Variants in ADNP observed in about 807,000 individuals in gnomAD.
The protein encoded by ADNP is activity-dependent neuroprotector homeobox protein.
A neutral mutation model predicts 84.9 loss-of-function variants in ADNP; 4 were observed. The observed-to-expected ratio is 0.05, with a 90% CI of 0.02 to 0.11. The LOEUF (loss-of-function observed/expected upper bound fraction) is 0.11, where lower values mean the gene tolerates loss of function less well. ADNP is among the 10% of genes least tolerant of loss of function. ADNP has a pLI of 1.00. For missense variants in ADNP, 1,132 were observed against 1,326.0 expected, an observed-to-expected ratio of 0.85 and a Z score of 2.27; for synonymous variants, 554 against 468.1, an observed-to-expected ratio of 1.18 and a Z score of -2.37.
intron 5 of ADNP, 32 bp downstream of exon 5, chr20:50,901,985 T>A (rs1982032548): frequency 1.3e-6 from 2 of 1,499,992 alleles, no homozygotes; most frequent in African/African-American, 1.4e-5. Context: ...CCAAGCATGC[T>A]GCCATCTGAG....
At chr20:50,896,966 T>A (rs4809814) in intron 5 of ADNP, among the ~76,000 whole-genome samples, 5,597 of 152,278 alleles carry the variant, frequency 0.037, 213 homozygotes, top group East Asian at 0.22. Flanking sequence ...GAGATGCAGT[T>A]TTTTTGCTCT....
chr20:50,928,427 T>A (rs1458710596), intron 2 of ADNP, among the ~76,000 whole-genome samples: 2 of 152,240 alleles, frequency 1.3e-5, no homozygotes, highest in Non-Finnish European at 2.9e-5. Flanking sequence ...TGCAAATGAT[T>A]ACAATATTAG....
intron 5 of ADNP, among the ~76,000 whole-genome samples, chr20:50,895,893 AACTTTTTG>A (rs1254820810): frequency 3.3e-5 from 5 of 152,204 alleles, no homozygotes; most frequent in Admixed American, 2.0e-4. Context: ...TTAAATTTTT[AACTTTTTG>A]ACTCTTTTGT....
rs1981019232 is a variant in ADNP at position 50,893,466 on chromosome 20, C to G, written c.1248G>C (p.Gln416His). 1.2e-6 allele frequency: 2 copies of G among 1,614,012 alleles called. No individual in the cohort carries two copies. The highest frequency in any genetic ancestry group is 1.7e-6 in the Non-Finnish European group (2 of 1,180,036). ...TGGACTGACCTAACACTCTGGATGC[C>G]TGTGACTGAGAGAGGGAAGGAGACT... ...QLKSPSLSQSQASRVLGQSSS... is the reference protein window; with the variant it reads ...QLKSPSLSQSHASRVLGQSSS... Residue 416 changes from glutamine to histidine, a missense_variant, in exon 6 of 6, where the codon CAG becomes CAC. Physicochemically the swap from Gln to His is conservative, Grantham distance 24. Coordinates refer to ENST00000621696, the MANE Select transcript of ADNP (RefSeq NM_001282531.3). The surrounding 1 kb of genome is among the most constrained non-coding windows in gnomAD (Gnocchi z 4.4).
chr20:50,904,096 C>A, intron 3 of ADNP, 95 bp from the exon 4 acceptor site: 2 of 943,286 alleles, frequency 2.1e-6, no homozygotes, highest in Non-Finnish European at 1.6e-6. Flanking sequence ...ACCTACCCAT[C>A]TGACAAAAAA....
intron 2 of ADNP, chr20:50,913,659 G>T (rs1983264771): frequency 4.4e-6 from 1 of 229,686 alleles, no homozygotes. Flanking sequence ...TTATGTCTCT[G>T]TGGAAACATT....
At chr20:50,927,859 A>G (rs1322207644) in intron 2 of ADNP, among the ~76,000 whole-genome samples, 1 of 152,232 alleles carries the variant, frequency 6.6e-6, no homozygotes, top group Non-Finnish European at 1.5e-5. Flanking sequence ...AAAGCCCCTC[A>G]ACAAACTTCA....
Position 50,903,609 on chromosome 20 carries a change from T to G in ADNP, c.108+280A>C, listed in dbSNP as rs6020836. 0.027 allele frequency among the ~76,000 whole-genome samples: 4,055 copies of G among 152,294 alleles called. 151 individuals carry two copies. The highest frequency in any genetic ancestry group is 0.089 in the African/African-American group (3,687 of 41,554). The stretch of plus-strand genomic sequence containing the variant: ...CTACACTGCCTCCCGCCTCCATGGT[T>G]GTTCTAAGGATTAAATGTATAGACA... On this transcript the variant is annotated intron_variant, in intron 4 of 5. Coordinates refer to ENST00000621696, the MANE Select transcript of ADNP (RefSeq NM_001282531.3).
At chr20:50,907,889 T>C (rs1267481604) in intron 2 of ADNP, among the ~76,000 whole-genome samples, 1 of 152,106 alleles carries the variant, frequency 6.6e-6, no homozygotes, top group Non-Finnish European at 1.5e-5. Context: ...TGCACCACCA[T>C]GCCTGGCCAG....
intron 2 of ADNP, among the ~76,000 whole-genome samples, chr20:50,917,897 CAT>C (rs1224954222): frequency 1.3e-5 from 2 of 152,182 alleles, no homozygotes; most frequent in African/African-American, 4.8e-5. Context: ...AGTACCGACA[CAT>C]GTTCCAACAT....
chr20:50,899,837 G>C (rs1981784188), intron 5 of ADNP, among the ~76,000 whole-genome samples: 1 of 146,176 alleles, frequency 6.8e-6, no homozygotes, highest in Non-Finnish European at 1.5e-5. Context: ...GTAAGCATAT[G>C]AAGACAAAAT....
chr20:50,889,049 T>C lies in ADNP; in HGVS notation c.*2356A>G, dbSNP rs1980370778. ...GAAAAGCAAACAGTAGCAACAATAT[T>C]CTTTTAAAATGGCTTTTATTGAGAC... is the stretch of plus-strand genomic sequence containing the variant. On this transcript the variant is annotated 3_prime_UTR_variant, in exon 6 of 6. Coordinates refer to ENST00000621696, the MANE Select transcript of ADNP (RefSeq NM_001282531.3). 6.6e-6 allele frequency: 1 copy of C among 152,204 alleles called. No individual in the cohort carries two copies. Among genetic ancestry groups the C allele is most frequent in the South Asian group, 2.1e-4 (1 of 4,832 alleles). 9.4% of individuals were successfully genotyped at this position (152,204 alleles called of 1,614,324 possible).
At chr20:50,921,615 T>C (rs538864905) in intron 2 of ADNP, among the ~76,000 whole-genome samples, 63 of 152,334 alleles carry the variant, frequency 4.1e-4, no homozygotes, top group African/African-American at 1.4e-3. Context: ...AGGCAAGAAT[T>C]CTAGCAGTGA....
At chr20:50,905,916 A>G (rs1982429186) in intron 2 of ADNP, among the ~76,000 whole-genome samples, 1 of 152,192 alleles carries the variant, frequency 6.6e-6, no homozygotes. Context: ...TGCTTAATTT[A>G]AAACAGTTAG....
Position 50,892,571 on chromosome 20 carries a change from C to A in ADNP, c.2143G>T (p.Val715Leu), listed in dbSNP as rs771353879. ...RLNQSPSLAP[V>L]KRTYEQMEFP... ...TCCATTTGCTCGTAAGTGCGCTTCA[C>A]AGGTGCCAGACTTGGAGACTGATTA... The change falls in exon 6 of 6, where the codon GTG (valine) becomes TTG (leucine). Residue 715 changes from valine to leucine, a missense_variant. By Grantham distance (32) the Val-to-Leu change is conservative. Coordinates refer to ENST00000621696, the MANE Select transcript of ADNP (RefSeq NM_001282531.3). The A allele has an allele frequency of 3.1e-6, 5 of 1,614,070 alleles. No homozygotes were observed. Among genetic ancestry groups the A allele is most frequent in the African/African-American group, 2.7e-5 (2 of 74,928 alleles).
intron 2 of ADNP, chr20:50,905,254 A>T (rs1187031882): frequency 6.6e-6 from 1 of 152,268 alleles, no homozygotes; most frequent in Non-Finnish European, 1.5e-5. Flanking sequence ...GTAAAAATTT[A>T]TCAATTTAAT....
At chr20:50,923,331 A>T (rs1393486239) in intron 2 of ADNP, among the ~76,000 whole-genome samples, 1 of 152,196 alleles carries the variant, frequency 6.6e-6, no homozygotes, top group Non-Finnish European at 1.5e-5. Flanking sequence ...TATTTCTTTC[A>T]CTATTCTTGA....
At position 50,891,778 on chromosome 20, in the gene ADNP, T is replaced by G; in HGVS notation, c.2936A>C (p.Gln979Pro). 1.2e-6 allele frequency: 2 copies of G among 1,614,220 alleles called. No homozygotes were observed. Among genetic ancestry groups the G allele is most frequent in the Non-Finnish European group, 1.7e-6 (2 of 1,180,032 alleles). ...ATTGTCCTCAAAGTCTGACACTTGT[T>G]GGGATCCAGGCCCACTCTCAGATGG... is the stretch of plus-strand genomic sequence containing the variant. The part of the protein sequence containing the change: ...ASPSESGPGS[Q>P]QVSDFEDNTC... Residue 979 changes from glutamine (Q) to proline (P), a missense_variant, in exon 6 of 6, where the codon CAA becomes CCA. Coordinates refer to ENST00000621696, the MANE Select transcript of ADNP (RefSeq NM_001282531.3).
intron 5 of ADNP, among the ~76,000 whole-genome samples, chr20:50,899,867 ATTTT>A (rs142777741): frequency 7.6e-6 from 1 of 131,274 alleles, no homozygotes; most frequent in Non-Finnish European, 1.6e-5. Context: ...CAGCTGTACA[ATTTT>A]TTTTTTTTTT....
Sources: allele counts gnomAD v4.1 joint callset (sites outside exome capture counted in the v4.1 genomes callset), GRCh38; gene constraint gnomAD v4.1.1; non-coding constraint Gnocchi (gnomAD v3.1); transcripts MANE v1.5; gene names NCBI Gene and HGNC (gene_info 2026-07-23, HGNC 2026-07-21).